The following FOCAD variants were observed in gnomAD, a reference collection of about 807,000 sequenced individuals.
FOCAD encodes the protein KIAA1797.
A neutral mutation model predicts 225.6 loss-of-function variants in FOCAD; 198 were observed. That is an observed-to-expected ratio of 0.88 (90% CI 0.78 to 0.99). The LOEUF is 0.99. Ranked by LOEUF, FOCAD falls within the 50% of genes least tolerant of loss-of-function variation. The pLI is 0.00. For missense variants in FOCAD, 2,713 were observed against 2,123.6 expected (o/e 1.28, Z -5.46); for synonymous variants, 897 against 755.0 (o/e 1.19, Z -3.08).
chr9:20,797,424 C>T (rs984456377), intron 11 of FOCAD, among the ~76,000 whole-genome samples: 22 of 152,142 alleles, frequency 1.4e-4, no homozygotes, highest in African/African-American at 3.9e-4. Context: ...GCCATTTTCA[C>T]GATATTGATT....
chr9:20,801,722 C>G (rs1427154099), intron 11 of FOCAD, among the ~76,000 whole-genome samples: 1 of 152,040 alleles, frequency 6.6e-6, no homozygotes, highest in Non-Finnish European at 1.5e-5. Flanking sequence ...AGTAGCAGTA[C>G]TTTTCTATTG....
At position 20,820,993 on chromosome 9, in the gene FOCAD, C is replaced by G. The variant is rs1284314100; in HGVS notation, c.1715C>G (p.Ser572Cys). ...QRFMAVSDVP[S>C]LSVGKEVQWE... ...TTCATGGCTGTGTCTGATGTACCTT[C>G]TCTTTCGGTGGGCAAGGAAGTCCAA... is the stretch of plus-strand genomic sequence containing the variant. Residue 572 changes from serine (S) to cysteine (C), a missense_variant, in exon 14 of 44, where the codon TCT (serine) becomes TGT (cysteine). Transcript: ENST00000338382. The G allele has an allele frequency of 6.2e-7, 1 of 1,612,706 alleles. No homozygotes were observed. The highest frequency in any genetic ancestry group is 8.5e-7 in the Non-Finnish European group (1 of 1,179,178).
chr9:20,989,004 A>G (rs990613094), intron 41 of FOCAD, among the ~76,000 whole-genome samples: 1 of 152,208 alleles, frequency 6.6e-6, no homozygotes, highest in Non-Finnish European at 1.5e-5. Context: ...AACCGCTAGT[A>G]TTAGGTTTGG....
intron 20 of FOCAD, among the ~76,000 whole-genome samples, chr9:20,882,881 T>C (rs1830793238): frequency 6.6e-6 from 1 of 152,114 alleles, no homozygotes; most frequent in African/African-American, 2.4e-5. Context: ...TTTTTTCAGA[T>C]TGAGGAGTCA....
At chr9:20,786,037 CTG>C (rs1819890312) in intron 10 of FOCAD, among the ~76,000 whole-genome samples, 1 of 152,162 alleles carries the variant, frequency 6.6e-6, no homozygotes. Flanking sequence ...AGCCGGGAAA[CTG>C]AGATTAGAGC....
intron 10 of FOCAD, among the ~76,000 whole-genome samples, chr9:20,788,960 G>C (rs1820232245): frequency 6.6e-6 from 1 of 152,066 alleles, no homozygotes; most frequent in African/African-American, 2.4e-5. Flanking sequence ...CTTCTGCCTA[G>C]GGCCTGGAGC....
chr9:20,688,838 T>A (rs10811389), intron 1 of FOCAD, among the ~76,000 whole-genome samples: 32,773 of 152,094 alleles, frequency 0.22, 3,841 homozygotes, highest in African/African-American at 0.31. Flanking sequence ...CAGATAGGCC[T>A]GGATCATTAA....
chr9:20,770,962 C>T (rs144028071), intron 8 of FOCAD, among the ~76,000 whole-genome samples: 79 of 152,142 alleles, frequency 5.2e-4, no homozygotes, highest in African/African-American at 1.7e-3. Context: ...CCTCAAGAGA[C>T]TTACAGACAT....
chr9:20,832,337 A>G (rs1398076511), intron 15 of FOCAD, among the ~76,000 whole-genome samples: 1 of 151,898 alleles, frequency 6.6e-6, no homozygotes, highest in Non-Finnish European at 1.5e-5. Flanking sequence ...CAAATAAGTC[A>G]GATTCTCCTG....
chr9:20,727,577 CTG>C (rs1826307326), intron 4 of FOCAD, among the ~76,000 whole-genome samples: 1 of 152,110 alleles, frequency 6.6e-6, no homozygotes, highest in East Asian at 1.9e-4. Context: ...TTTCTCAGAA[CTG>C]TTTATTTTGT....
rs146158553 is a variant in FOCAD at position 20,821,111 on chromosome 9, T to C, written c.1793+40T>C. ...ACTCTTAGGAATGTATATCATGATATATTATTTTGTATTTAATTTTTTAAT... is the reference window on the plus strand; with the variant it reads ...ACTCTTAGGAATGTATATCATGATACATTATTTTGTATTTAATTTTTTAAT... On this transcript the variant is annotated intron_variant, in intron 14 of 43. Transcript: ENST00000338382. 78 of 1,553,090 alleles carry C rather than the reference T, an allele frequency of 5.0e-5. No homozygotes were observed. In the Middle Eastern group the frequency reaches 1.2e-3, roughly 24 times the overall value.
intron 15 of FOCAD, among the ~76,000 whole-genome samples, chr9:20,840,952 A>G (rs1255166393): frequency 6.6e-6 from 1 of 151,926 alleles, no homozygotes; most frequent in Non-Finnish European, 1.5e-5. Flanking sequence ...GTTGAATTGT[A>G]CTGAATACTT....
chr9:20,850,670 T>G (rs564715888), intron 15 of FOCAD, among the ~76,000 whole-genome samples: 1 of 151,824 alleles, frequency 6.6e-6, no homozygotes, highest in East Asian at 1.9e-4. Flanking sequence ...GCTTTAAACT[T>G]GATTTTCTTT....
At chr9:20,789,280 A>T in intron 10 of FOCAD, 71 bp from the exon 11 acceptor site, 1 of 1,509,502 alleles carries the variant, frequency 6.6e-7, no homozygotes, top group Non-Finnish European at 9.1e-7. Context: ...AAATATAAGA[A>T]TGCCAGAAAC....
chr9:20,795,957 C>T (rs1402625544), intron 11 of FOCAD, among the ~76,000 whole-genome samples: 1 of 151,542 alleles, frequency 6.6e-6, no homozygotes, highest in Non-Finnish European at 1.5e-5. Flanking sequence ...AATGCTATCC[C>T]TCCCCCCTGC....
intron 4 of FOCAD, among the ~76,000 whole-genome samples, chr9:20,731,674 T>C (rs956820620): frequency 6.6e-6 from 1 of 152,086 alleles, no homozygotes; most frequent in Non-Finnish European, 1.5e-5. Flanking sequence ...CTGGAGTGCA[T>C]TGGTGTGATC....
In FOCAD at chr9:20,946,746, G is replaced by A. The variant is rs1380976085; in HGVS notation, c.3601G>A (p.Ala1201Thr). 2 of 1,613,816 alleles carry A rather than the reference G, an allele frequency of 1.2e-6. No homozygotes were observed. Among genetic ancestry groups the A allele is most frequent in the Non-Finnish European group, 1.7e-6 (2 of 1,179,780 alleles). Reference sequence around the variant, plus strand: ...CTGTGTATGTACATCAGCGTTCAGTGCTGGAATTATTGAGGCTACAGAGGC... The same window carrying A: ...CTGTGTATGTACATCAGCGTTCAGTACTGGAATTATTGAGGCTACAGAGGC... Reference protein sequence around the residue: ...LSCVCTSAFSAGIIEATEAED... With the variant: ...LSCVCTSAFSTGIIEATEAED... Residue 1201 changes from alanine to threonine, a missense_variant, in exon 30 of 44, where the codon GCT becomes ACT. Physicochemically the swap from Ala to Thr is moderately conservative, Grantham distance 58. Coordinates refer to ENST00000338382, the MANE Select transcript of FOCAD (RefSeq NM_001375567.1).
intron 11 of FOCAD, among the ~76,000 whole-genome samples, chr9:20,818,051 A>G (rs1823917659): frequency 1.3e-5 from 2 of 152,080 alleles, no homozygotes; most frequent in South Asian, 4.1e-4. Flanking sequence ...AACACTTGTT[A>G]TTGTCCATCT....
At chr9:20,943,114 T>G (rs938705338) in intron 28 of FOCAD, among the ~76,000 whole-genome samples, 3 of 152,214 alleles carry the variant, frequency 2.0e-5, no homozygotes, top group Admixed American at 2.0e-4. Flanking sequence ...TAGCAAAGGC[T>G]TTACATTCAT....
Sources: gnomAD v4.1 joint callset for allele counts (sites outside exome capture counted in the v4.1 genomes callset) on GRCh38, gnomAD v4.1.1 for gene constraint, MANE v1.5 for transcripts, NCBI Gene and HGNC (gene_info 2026-07-23, HGNC 2026-07-21) for gene names.